The following SCHIP1 variants were observed in gnomAD, a reference collection of about 807,000 sequenced individuals.
SCHIP1 encodes schwannomin-interacting protein 1.
In SCHIP1, 8 loss-of-function variants were observed where a neutral mutation model predicts 29.7. That is an observed-to-expected ratio of 0.27 (90% CI 0.16 to 0.49). SCHIP1 has a LOEUF of 0.49. Ranked by LOEUF, SCHIP1 falls within the 20% of genes least tolerant of loss-of-function variation. The pLI is 0.99. For synonymous variants in SCHIP1, 76 were observed against 94.9 expected (o/e 0.80, Z 1.16); for missense variants, 193 against 294.6 (o/e 0.66, Z 2.52).
At chr3:159,894,390 G>A (rs932825384) in intron 6 of SCHIP1, 13 of 152,192 alleles carry the variant, frequency 8.5e-5, no homozygotes, top group African/African-American at 1.7e-4. Flanking sequence ...TGACCCTGGT[G>A]TGTCAGGGTC....
At chr3:159,610,903 C>T in the SCHIP1 span, among the ~76,000 whole-genome samples, 3 of 152,032 alleles carry the variant, frequency 2.0e-5, no homozygotes, top group Non-Finnish European at 2.9e-5. Context: ...ATTTGTGTTT[C>T]GAAACTCAAC....
At chr3:159,830,469 G>A in the SCHIP1 span, among the ~76,000 whole-genome samples, 1 of 151,998 alleles carries the variant, frequency 6.6e-6, no homozygotes, top group African/African-American at 2.4e-5. Flanking sequence ...TTCATATAAT[G>A]TGAAATAATA....
the SCHIP1 span, among the ~76,000 whole-genome samples, chr3:159,468,398 C>G: frequency 5.9e-5 from 9 of 151,998 alleles, no homozygotes; most frequent in African/African-American, 2.2e-4. Context: ...TACTGAAGGA[C>G]TTTCACAAAC....
the SCHIP1 span, among the ~76,000 whole-genome samples, chr3:159,396,175 A>G: frequency 1.3e-5 from 2 of 148,428 alleles, no homozygotes; most frequent in East Asian, 4.0e-4. Context: ...TTTGCTTGGT[A>G]GATCTTCCTC....
At chr3:159,485,010 T>C in the SCHIP1 span, among the ~76,000 whole-genome samples, 5 of 152,214 alleles carry the variant, frequency 3.3e-5, no homozygotes, top group Non-Finnish European at 5.9e-5. Context: ...TATTATCTCA[T>C]ATATTTGACC....
the SCHIP1 span, among the ~76,000 whole-genome samples, chr3:159,716,617 C>T: frequency 6.6e-6 from 1 of 152,042 alleles, no homozygotes; most frequent in Non-Finnish European, 1.5e-5. Flanking sequence ...GACTTTAAAC[C>T]AACAAAGATC....
At chr3:159,486,217 C>A in the SCHIP1 span, among the ~76,000 whole-genome samples, 1 of 152,092 alleles carries the variant, frequency 6.6e-6, no homozygotes, top group Non-Finnish European at 1.5e-5. Context: ...ACTACAGACC[C>A]CATGCTGCAC....
chr3:159,896,981 ATTGTT>A, exon 7 of SCHIP1: 2 of 462,490 alleles, frequency 4.3e-6, no homozygotes, highest in Non-Finnish European at 7.4e-6. Context: ...TTAATAAAAT[ATTGTT>A]ACAAAAAATG....
chr3:159,484,114 C>T, the SCHIP1 span, among the ~76,000 whole-genome samples: 2 of 152,088 alleles, frequency 1.3e-5, no homozygotes, highest in Admixed American at 6.6e-5. Flanking sequence ...AGAGACACCA[C>T]ATGGGAACAG....
the SCHIP1 span, among the ~76,000 whole-genome samples, chr3:159,450,699 C>A: frequency 9.2e-5 from 14 of 152,114 alleles, no homozygotes; most frequent in African/African-American, 3.4e-4. Flanking sequence ...TCTTCAATTC[C>A]ATAGCCTCCC....
At chr3:159,594,466 A>G in the SCHIP1 span, among the ~76,000 whole-genome samples, 2 of 152,192 alleles carry the variant, frequency 1.3e-5, no homozygotes, top group African/African-American at 4.8e-5. Flanking sequence ...TCCAGGTAAC[A>G]TATGACACTT....
At chr3:159,833,866 T>A in the SCHIP1 span, among the ~76,000 whole-genome samples, 1 of 152,222 alleles carries the variant, frequency 6.6e-6, no homozygotes, top group East Asian at 1.9e-4. Context: ...ACTCCAGTAA[T>A]GGTCTCAAAA....
At chr3:159,385,742 T>G in the SCHIP1 span, among the ~76,000 whole-genome samples, 1 of 152,176 alleles carries the variant, frequency 6.6e-6, no homozygotes, top group Non-Finnish European at 1.5e-5. Context: ...CTGGGATACA[T>G]GTGCAGAACG....
chr3:159,579,637 G>A, the SCHIP1 span, among the ~76,000 whole-genome samples: 1 of 152,180 alleles, frequency 6.6e-6, no homozygotes, highest in African/African-American at 2.4e-5. Context: ...TAACTGCAGT[G>A]TGGCAAGGTC....
At chr3:159,562,282 A>G in the SCHIP1 span, among the ~76,000 whole-genome samples, 1 of 152,342 alleles carries the variant, frequency 6.6e-6, no homozygotes, top group Non-Finnish European at 1.5e-5. Flanking sequence ...ACTAATAAAC[A>G]ATTATCCTTG....
the SCHIP1 span, among the ~76,000 whole-genome samples, chr3:159,462,699 A>T: frequency 2.6e-5 from 4 of 152,282 alleles, no homozygotes; most frequent in South Asian, 8.3e-4. Flanking sequence ...AACTAAAACT[A>T]AACTTTTCAT....
the SCHIP1 span, among the ~76,000 whole-genome samples, chr3:159,384,320 C>G: frequency 0.4 from 59,968 of 149,378 alleles, 12,113 homozygotes; most frequent in East Asian, 0.48. Context: ...TAGCATGAAG[C>G]GTTGTTGAAT....
chr3:159,828,443 A>ATATATATACG, the SCHIP1 span, among the ~76,000 whole-genome samples: 1,299 of 100,320 alleles, frequency 0.013, 82 homozygotes, highest in East Asian at 0.026. Context: ...ATATATACGT[A>ATATATATACG]TATATATACG....
chr3:159,404,407 C>T, the SCHIP1 span, among the ~76,000 whole-genome samples: 1 of 152,116 alleles, frequency 6.6e-6, no homozygotes, highest in Admixed American at 6.5e-5. Context: ...GAGCCCACTG[C>T]CCTGAAGGGA....
Sources: allele counts gnomAD v4.1 joint callset (sites outside exome capture counted in the v4.1 genomes callset), GRCh38; gene constraint gnomAD v4.1.1; transcripts MANE v1.5; gene names NCBI Gene and HGNC (gene_info 2026-07-23, HGNC 2026-07-21).